Variants in GAB2 observed in about 807,000 individuals in gnomAD.
GAB2 encodes the protein GRB2 associated binding protein 2, also known as GRB2-associated-binding protein 2.
Under a neutral mutation model 65.5 loss-of-function variants are expected in GAB2, and 26 were observed. That is an observed-to-expected ratio of 0.40 (90% confidence interval 0.29 to 0.55). GAB2 has a LOEUF of 0.55. GAB2 is among the 20% of genes least tolerant of loss of function. The pLI is 0.53. For synonymous variants in GAB2, 321 were observed against 329.6 expected (o/e 0.97, Z 0.28); for missense variants, 884 against 875.8 (o/e 1.01, Z -0.12).
At chr11:78,289,617 A>G (rs1204099051) in intron 1 of GAB2, among the ~76,000 whole-genome samples, 3 of 152,152 alleles carry the variant, frequency 2.0e-5, no homozygotes, top group Non-Finnish European at 2.9e-5. Flanking sequence ...CCCTAAAACT[A>G]GAAGATTTTT....
At position 78,250,324 on chromosome 11, in the gene GAB2, G is replaced by A; in HGVS notation, c.453C>T (p.His151=). Reference sequence around the variant, plus strand: ...CTGAGGACTTGCGCTCTCGGAGAAGGTGCTGGCTAGAGCTGCTGAGCTCAG... The same window carrying A: ...CTGAGGACTTGCGCTCTCGGAGAAGATGCTGGCTAGAGCTGCTGAGCTCAG... The part of the protein sequence containing the change: ...SPAELSSSSQ[H]LLRERKSSAP... The change falls in exon 3 of 10, where the codon CAC becomes CAT. Residue 151 remains histidine (H), a synonymous_variant. Transcript: ENST00000361507. 1.2e-6 allele frequency: 2 copies of A among 1,613,770 alleles called. No individual in the cohort carries two copies. The highest frequency in any genetic ancestry group is 8.5e-7 in the Non-Finnish European group (1 of 1,179,942).
chr11:78,248,699 G>A (rs1360149572), intron 3 of GAB2, among the ~76,000 whole-genome samples: 1 of 152,150 alleles, frequency 6.6e-6, no homozygotes, highest in East Asian at 1.9e-4. Flanking sequence ...CTTTGAATTA[G>A]TTATTCCCAT....
chr11:78,286,961 C>A (rs1419433621), intron 1 of GAB2, among the ~76,000 whole-genome samples: 3 of 152,122 alleles, frequency 2.0e-5, no homozygotes, highest in Non-Finnish European at 4.4e-5. Context: ...TATATAAAAT[C>A]TCATACAAAA....
intron 1 of GAB2, among the ~76,000 whole-genome samples, chr11:78,299,638 G>C (rs1302027558): frequency 6.6e-6 from 1 of 152,148 alleles, no homozygotes; most frequent in East Asian, 1.9e-4. Context: ...TCTCTTCCCT[G>C]GTCACAGTAT....
In GAB2 at chr11:78,248,016, T is replaced by C. The variant is rs150305270; in HGVS notation, c.620+2141A>G. On this transcript the variant is annotated intron_variant, in intron 3 of 9. Coordinates refer to ENST00000361507, the MANE Select transcript of GAB2 (RefSeq NM_080491.3). ...CTGCGTAAAGTTCTATCTCTTCTAC[T>C]AGCTTATCCCTCTACAACATGGATT... Among the ~76,000 whole-genome samples the C allele has an allele frequency of 2.0e-4, 30 of 152,348 alleles. No individual in the cohort carries two copies. In the East Asian group the frequency reaches 5.2e-3, roughly 26 times the overall value.
chr11:78,304,499 G>C (rs1855306965), intron 1 of GAB2, among the ~76,000 whole-genome samples: 1 of 152,164 alleles, frequency 6.6e-6, no homozygotes, highest in African/African-American at 2.4e-5. Context: ...CAAGAATCTA[G>C]AGTAGAAGTC....
intron 1 of GAB2, among the ~76,000 whole-genome samples, chr11:78,325,825 C>A (rs1855811734): frequency 6.6e-6 from 1 of 152,080 alleles, no homozygotes; most frequent in African/African-American, 2.4e-5. Context: ...AGTAGTATTG[C>A]CACAAATAAA....
At chr11:78,397,141 T>A (rs1333241246) in intron 1 of GAB2, among the ~76,000 whole-genome samples, 1 of 152,184 alleles carries the variant, frequency 6.6e-6, no homozygotes, top group Non-Finnish European at 1.5e-5. Flanking sequence ...ATTCCATGTT[T>A]AATAGCGTAT....
At chr11:78,325,049 C>CT (rs1855798574) in intron 1 of GAB2, among the ~76,000 whole-genome samples, 1 of 152,144 alleles carries the variant, frequency 6.6e-6, no homozygotes, top group African/African-American at 2.4e-5. Context: ...ACCAGGGCAT[C>CT]TTATTTTTTT....
chr11:78,373,289 G>C (rs971810187), intron 1 of GAB2, among the ~76,000 whole-genome samples: 1 of 150,220 alleles, frequency 6.7e-6, no homozygotes, highest in Non-Finnish European at 1.5e-5. Context: ...GCCCAGGCTG[G>C]AGTGCAATGG....
chr11:78,329,979 C>T (rs946063299), intron 1 of GAB2, among the ~76,000 whole-genome samples: 3 of 152,166 alleles, frequency 2.0e-5, no homozygotes, highest in Non-Finnish European at 4.4e-5. Flanking sequence ...AGACCATTTT[C>T]CATTTCTCTT....
At chr11:78,361,930 A>T (rs947033876) in intron 1 of GAB2, among the ~76,000 whole-genome samples, 1 of 152,228 alleles carries the variant, frequency 6.6e-6, no homozygotes, top group Non-Finnish European at 1.5e-5. Context: ...TTAAAAGAGT[A>T]ATATTGAAAA....
chr11:78,250,736 C>T (rs1056480691), intron 2 of GAB2, among the ~76,000 whole-genome samples: 8 of 152,144 alleles, frequency 5.3e-5, no homozygotes, highest in South Asian at 2.1e-4. Context: ...GTAATGAGTA[C>T]GACCACCTTC....
intron 1 of GAB2, among the ~76,000 whole-genome samples, chr11:78,401,786 T>A (rs778741597): frequency 3.5e-4 from 53 of 152,264 alleles, no homozygotes; most frequent in Non-Finnish European, 5.6e-4. Context: ...TGCTTCCAAA[T>A]GAGAAGTTCT....
intron 1 of GAB2, among the ~76,000 whole-genome samples, chr11:78,384,494 A>G (rs551372669): frequency 6.6e-6 from 1 of 152,338 alleles, no homozygotes; most frequent in Non-Finnish European, 1.5e-5. Context: ...GTACTAGAGC[A>G]CTTCCTGACC....
chr11:78,230,021 A>G (rs768515827), intron 3 of GAB2, among the ~76,000 whole-genome samples: 37 of 152,268 alleles, frequency 2.4e-4, no homozygotes, highest in Non-Finnish European at 4.6e-4. Flanking sequence ...CACCATTACT[A>G]CTTATCTCTG....
intron 1 of GAB2, among the ~76,000 whole-genome samples, chr11:78,378,324 C>T (rs1856658113): frequency 6.6e-6 from 1 of 152,134 alleles, no homozygotes; most frequent in Non-Finnish European, 1.5e-5. Context: ...TGATTGTGTG[C>T]CCAAGGTCGC....
chr11:78,265,761 G>A (rs932103516), intron 2 of GAB2, among the ~76,000 whole-genome samples: 8 of 151,962 alleles, frequency 5.3e-5, no homozygotes, highest in Non-Finnish European at 1.0e-4. Flanking sequence ...AGAATTTCAG[G>A]TATCTCACAC....
At chr11:78,378,907 T>C (rs1482765998) in intron 1 of GAB2, among the ~76,000 whole-genome samples, 1 of 152,166 alleles carries the variant, frequency 6.6e-6, no homozygotes, top group Admixed American at 6.5e-5. Flanking sequence ...CAATCCAAAA[T>C]AATCATGGTG....
Sources: gnomAD v4.1 joint callset for allele counts (sites outside exome capture counted in the v4.1 genomes callset) on GRCh38, gnomAD v4.1.1 for gene constraint, MANE v1.5 for transcripts, NCBI Gene and HGNC (gene_info 2026-07-23, HGNC 2026-07-21) for gene names.